DLG2: variants seen among roughly 807,000 people sequenced by gnomAD.
The protein encoded by DLG2 is discs large MAGUK scaffold protein 2.
In DLG2, 45 loss-of-function variants were observed where a neutral mutation model predicts 132.5. That is an observed-to-expected ratio of 0.34 (90% CI 0.27 to 0.44). The LOEUF is 0.44. DLG2 is among the 20% of genes least tolerant of loss of function. The pLI is 1.00. For missense variants in DLG2, 1,045 were observed against 1,196.9 expected (o/e 0.87, Z 1.87); for synonymous variants, 424 against 419.6 (o/e 1.01, Z -0.13).
chr11:83,672,638 T>C (rs548777136), intron 18 of DLG2, among the ~76,000 whole-genome samples: 12 of 152,316 alleles, frequency 7.9e-5, no homozygotes, highest in South Asian at 2.1e-4. Context: ...TTCTATCTCA[T>C]GTTGTCTCCA....
chr11:84,980,777 CTA>C (rs942851867), intron 6 of DLG2, among the ~76,000 whole-genome samples: 1 of 152,188 alleles, frequency 6.6e-6, no homozygotes, highest in Non-Finnish European at 1.5e-5. Flanking sequence ...ACCTATCCAG[CTA>C]TGTTTCCTAT....
At chr11:85,583,139 TATATATATATATATATA>T (rs1335470676) in intron 3 of DLG2, among the ~76,000 whole-genome samples, 1 of 72,660 alleles carries the variant, frequency 1.4e-5, no homozygotes, top group African/African-American at 5.1e-5. Context: ...TGTATATATA[TATATATATATATATATA>T]TATATATATA....
intron 6 of DLG2, among the ~76,000 whole-genome samples, chr11:84,654,363 A>T (rs1045926064): frequency 6.6e-6 from 1 of 152,192 alleles, no homozygotes; most frequent in Non-Finnish European, 1.5e-5. Context: ...TAAAGCATTC[A>T]TAAATGTTTT....
At chr11:85,501,073 A>G (rs1338866117) in intron 3 of DLG2, among the ~76,000 whole-genome samples, 1 of 152,212 alleles carries the variant, frequency 6.6e-6, no homozygotes, top group Non-Finnish European at 1.5e-5. Flanking sequence ...AAACATATAT[A>G]TAAACCAATG....
At chr11:83,768,885 A>C (rs2094259979) in intron 18 of DLG2, among the ~76,000 whole-genome samples, 1 of 152,192 alleles carries the variant, frequency 6.6e-6, no homozygotes, top group Non-Finnish European at 1.5e-5. Flanking sequence ...TGGTGTTTCA[A>C]ATGGACACCA....
At chr11:84,240,214 G>T (rs2097208808) in intron 8 of DLG2, among the ~76,000 whole-genome samples, 1 of 152,208 alleles carries the variant, frequency 6.6e-6, no homozygotes, top group South Asian at 2.1e-4. Flanking sequence ...CAACCCCCAA[G>T]GGTGGTAAAA....
chr11:85,413,354 G>T (rs1407014281), intron 3 of DLG2, among the ~76,000 whole-genome samples: 1 of 152,070 alleles, frequency 6.6e-6, no homozygotes, highest in South Asian at 2.1e-4. Context: ...TCTGTGGGTT[G>T]TCTGTTTACT....
chr11:83,780,947 C>T (rs2094793515), intron 18 of DLG2, among the ~76,000 whole-genome samples: 1 of 152,026 alleles, frequency 6.6e-6, no homozygotes, highest in African/African-American at 2.4e-5. Flanking sequence ...TAGGGCAACG[C>T]CTCACAAACT....
intron 6 of DLG2, among the ~76,000 whole-genome samples, chr11:84,830,936 AGT>A (rs1184622085): frequency 6.8e-6 from 1 of 146,968 alleles, no homozygotes; most frequent in Non-Finnish European, 1.5e-5. Context: ...CAAAGGAAGC[AGT>A]CTCTCTCTCT....
intron 2 of DLG2, among the ~76,000 whole-genome samples, chr11:85,607,814 C>T (rs2080690133): frequency 6.6e-6 from 1 of 152,162 alleles, no homozygotes; most frequent in Non-Finnish European, 1.5e-5. Context: ...ATCAGTCTTC[C>T]AATTCTGGAG....
intron 10 of DLG2, among the ~76,000 whole-genome samples, chr11:84,079,846 C>T (rs1467004736): frequency 1.3e-5 from 2 of 152,168 alleles, no homozygotes; most frequent in African/African-American, 4.8e-5. Context: ...CAGTCACCTT[C>T]CCTATTCCTC....
intron 9 of DLG2, among the ~76,000 whole-genome samples, chr11:84,115,048 A>G (rs1252339083): frequency 6.6e-6 from 1 of 152,144 alleles, no homozygotes; most frequent in Non-Finnish European, 1.5e-5. Flanking sequence ...TTTATATTCT[A>G]TTTGTTAAAT....
rs950423570 is a variant in DLG2, at chr11:84,366,295, C to A, written c.520-115004G>T. ...TTTTGTCACCACCAGGCCTGCCCTA[C>A]AAGAGCTCCTGAAGGAAGCACTAAA... On this transcript the variant is annotated intron_variant, in intron 7 of 27. Coordinates refer to ENST00000376104, the MANE Select transcript of DLG2 (RefSeq NM_001142699.3). 2.7e-3 allele frequency among the ~76,000 whole-genome samples: 415 copies of A among 152,070 alleles called. 1 individual carries two copies. The highest frequency in any genetic ancestry group is 9.3e-3 in the African/African-American group (386 of 41,438).
At chr11:84,569,688 T>C (rs1292545072) in intron 6 of DLG2, among the ~76,000 whole-genome samples, 2 of 152,222 alleles carry the variant, frequency 1.3e-5, no homozygotes, top group South Asian at 2.1e-4. Context: ...AGAGAGGTTA[T>C]ATTGCTCAGT....
intron 7 of DLG2, among the ~76,000 whole-genome samples, chr11:84,300,340 G>T (rs1037906141): frequency 2.6e-5 from 4 of 151,888 alleles, no homozygotes; most frequent in African/African-American, 9.7e-5. Context: ...ATTTAATCTT[G>T]CTCACTTATA....
chr11:85,306,119 T>C (rs999092332), intron 3 of DLG2, among the ~76,000 whole-genome samples: 76 of 152,180 alleles, frequency 5.0e-4, no homozygotes, highest in African/African-American at 1.8e-3. Flanking sequence ...TATTGTAAGA[T>C]TAAACTAAAT....
chr11:84,277,862 C>A (rs1471756309), intron 7 of DLG2, among the ~76,000 whole-genome samples: 1 of 151,980 alleles, frequency 6.6e-6, no homozygotes, highest in Non-Finnish European at 1.5e-5. Flanking sequence ...CCCTGCCAAT[C>A]CTACAATCCT....
chr11:85,243,078 C>T (rs1452354337), intron 4 of DLG2, among the ~76,000 whole-genome samples: 6 of 151,950 alleles, frequency 3.9e-5, no homozygotes, highest in South Asian at 2.1e-4. Context: ...TTAATTTTAC[C>T]GCTCATAGCC....
intron 12 of DLG2, among the ~76,000 whole-genome samples, chr11:83,979,429 T>A (rs932908362): frequency 3.9e-5 from 6 of 152,330 alleles, no homozygotes; most frequent in Middle Eastern, 3.4e-3. Context: ...ACTTGAGAGC[T>A]ACCTACTATT....
Sources: gnomAD v4.1 joint callset for allele counts (sites outside exome capture counted in the v4.1 genomes callset) on GRCh38, gnomAD v4.1.1 for gene constraint, MANE v1.5 for transcripts, NCBI Gene and HGNC (gene_info 2026-07-23, HGNC 2026-07-21) for gene names.